The following TDRKH variants were observed in gnomAD, a reference collection of about 807,000 sequenced individuals.
TDRKH encodes tudor and KH domain containing.
A neutral mutation model predicts 61.3 loss-of-function variants in TDRKH; 28 were observed. The observed-to-expected ratio is 0.46, with a 90% CI of 0.34 to 0.63. The LOEUF is 0.63. TDRKH is among the 20% of genes least tolerant of loss of function. The pLI is 0.01. For missense variants in TDRKH, 540 were observed against 683.4 expected, an observed-to-expected ratio of 0.79 and a Z score of 2.34; for synonymous variants, 219 against 244.4, an observed-to-expected ratio of 0.90 and a Z score of 0.97.
At chr1:151,774,847 C>A (rs1305856424) in intron 11 of TDRKH, 41 bp from the exon 12 acceptor site, 1 of 1,604,148 alleles carries the variant, frequency 6.2e-7, no homozygotes, top group Admixed American at 1.7e-5. Flanking sequence ...AACATGTTGG[C>A]TTTTAGGAAA....
At chr1:151,776,974 G>A (rs1387555321) in intron 6 of TDRKH, among the ~76,000 whole-genome samples, 1 of 152,208 alleles carries the variant, frequency 6.6e-6, no homozygotes, top group Non-Finnish European at 1.5e-5. Context: ...TTCTACCACT[G>A]ACTCTTTACA....
chr1:151,781,138 A>G lies in TDRKH; in HGVS notation c.231+343T>C, dbSNP rs1391488276. Reference sequence around the variant, plus strand: ...CGAGATCAGCCTGGCCAACATGACGAAACCTCGTCTCCACTAAAAATACCA... The same window carrying G: ...CGAGATCAGCCTGGCCAACATGACGGAACCTCGTCTCCACTAAAAATACCA... On this transcript the variant is annotated intron_variant, in intron 3 of 12. Transcript: ENST00000368824. 2.0e-5 allele frequency among the ~76,000 whole-genome samples: 3 copies of G among 151,058 alleles called. No homozygotes were observed. The East Asian group carries it at 5.9e-4, about 30-fold the overall frequency.
downstream of TDRKH, chr1:151,767,411 G>A: frequency 1.3e-6 from 2 of 1,506,780 alleles, no homozygotes; most frequent in Non-Finnish European, 1.8e-6. Flanking sequence ...ATGGAATCTT[G>A]GAACGCATGT....
chr1:151,766,882 A>T (rs1251073286), downstream of TDRKH: 1 of 1,608,384 alleles, frequency 6.2e-7, no homozygotes, highest in African/African-American at 1.3e-5. Flanking sequence ...CCTCGTTGTT[A>T]TAAAAGGTAC....
At chr1:151,768,018 T>C (rs1431537633), downstream of TDRKH, 1 of 1,610,236 alleles carries the variant, frequency 6.2e-7, no homozygotes, top group East Asian at 2.2e-5. Context: ...GCCTGAGGTC[T>C]GATTTGAAGA....
At chr1:151,768,310 G>A, downstream of TDRKH, 2 of 1,529,174 alleles carry the variant, frequency 1.3e-6, no homozygotes, top group Non-Finnish European at 1.8e-6. Flanking sequence ...TAGTACATAA[G>A]GCTAATTCTG....
chr1:151,770,891 GACTA>G (rs927019628), downstream of TDRKH, among the ~76,000 whole-genome samples: 6 of 152,168 alleles, frequency 3.9e-5, no homozygotes, highest in South Asian at 4.1e-4. Context: ...AGTTCTGCAG[GACTA>G]ACTCACAGAA....
chr1:151,788,529 C>T (rs570385071), intron 1 of TDRKH, among the ~76,000 whole-genome samples: 3 of 152,232 alleles, frequency 2.0e-5, no homozygotes, highest in Non-Finnish European at 4.4e-5. Context: ...ATAATTGATG[C>T]TTATGGGGCA....
intron 1 of TDRKH, among the ~76,000 whole-genome samples, chr1:151,784,410 T>C (rs186467556): frequency 2.6e-5 from 4 of 152,354 alleles, no homozygotes; most frequent in Admixed American, 2.6e-4. Context: ...CGAGTGTCAA[T>C]ATATCTGTCC....
intron 2 of TDRKH, among the ~76,000 whole-genome samples, chr1:151,782,417 A>C (rs1476250303): frequency 6.6e-6 from 1 of 152,016 alleles, no homozygotes; most frequent in Admixed American, 6.5e-5. Context: ...ACTGCACTCC[A>C]GTGTGGGCGA....
In TDRKH at chr1:151,776,084, C is replaced by T. The variant is rs561115103; in HGVS notation, c.1217+12G>A. The T allele has an allele frequency of 8.7e-6, 14 of 1,609,816 alleles. No individual in the cohort carries two copies. In the East Asian group the frequency reaches 2.2e-4, roughly 26 times the overall value. The stretch of plus-strand genomic sequence containing the variant: ...AGTCAGCAGTTGGGATTGAGCTGAC[C>T]TCAGCACTGACCTGAGAGCCCTGAG... On this transcript the variant is annotated intron_variant, in intron 8 of 12. Transcript: ENST00000368824.
At chr1:151,784,468 C>T (rs1406842474) in intron 1 of TDRKH, among the ~76,000 whole-genome samples, 3 of 152,166 alleles carry the variant, frequency 2.0e-5, no homozygotes, top group African/African-American at 7.2e-5. Context: ...TCAGAGTCAC[C>T]AATGATTTCA....
chr1:151,782,002 A>G, intron 2 of TDRKH: 4 of 457,736 alleles, frequency 8.7e-6, no homozygotes, highest in Non-Finnish European at 1.8e-5. Flanking sequence ...CTTTGAGGTA[A>G]GTGCCTTCTA....
downstream of TDRKH, chr1:151,770,584 C>T: frequency 3.4e-6 from 1 of 293,530 alleles, no homozygotes; most frequent in Non-Finnish European, 6.4e-6. Context: ...AAGGGTCAGA[C>T]ATAAGGCCAA....
chr1:151,775,683 G>T, intron 9 of TDRKH, 137 bp downstream of exon 9: 1 of 1,475,928 alleles, frequency 6.8e-7, no homozygotes, highest in Non-Finnish European at 9.2e-7. Context: ...GTTTCTGGCT[G>T]CTGCTAGTGC....
In TDRKH at chr1:151,774,322, CAG is replaced by C; in HGVS notation, c.*128_*129del. The C allele has an allele frequency of 1.1e-6, 1 of 877,510 alleles. No individual in the cohort carries two copies. Among genetic ancestry groups the C allele is most frequent in the Non-Finnish European group, 1.8e-6 (1 of 569,580 alleles). The allele number at this position is 877,510 out of a possible 1,614,324, so 54.4% of individuals were successfully genotyped here. A position where few individuals can be genotyped will look rare whatever the true frequency, so the allele number is the denominator to read the frequency against. ...GCAGCTGCAGAGAAGTATATTAAGA[CAG>C]GGCATGGGAAAGAGGGAATCAAAGC... On this transcript the variant is annotated 3_prime_UTR_variant, in exon 13 of 13. Coordinates refer to ENST00000368824, the MANE Select transcript of TDRKH (RefSeq NM_001083965.2).
In TDRKH at chr1:151,790,414, A is replaced by T. The variant is rs1432633666; in HGVS notation, c.-62T>A. 1 of 153,254 alleles carries T rather than the reference A, an allele frequency of 6.5e-6. No individual in the cohort carries two copies. The highest frequency in any genetic ancestry group is 2.4e-5 in the African/African-American group (1 of 41,418). 9.5% of individuals were successfully genotyped at this position (153,254 alleles called of 1,614,324 possible). A position where few individuals can be genotyped will look rare whatever the true frequency, so the allele number is the denominator to read the frequency against. ...CCATCCTCGCCTTTACCGCTGCTCCAGTCAGCCGTCGAGTGCGCCGCCTCG... is the reference window on the plus strand; with the variant it reads ...CCATCCTCGCCTTTACCGCTGCTCCTGTCAGCCGTCGAGTGCGCCGCCTCG... On this transcript the variant is annotated 5_prime_UTR_variant, in exon 1 of 13. Coordinates refer to ENST00000368824, the MANE Select transcript of TDRKH (RefSeq NM_001083965.2).
At chr1:151,771,230 T>C, downstream of TDRKH, 1 of 1,611,498 alleles carries the variant, frequency 6.2e-7, no homozygotes, top group South Asian at 1.1e-5. Flanking sequence ...ACATGCTTAT[T>C]CCAACGCTTT....
chr1:151,778,888 T>C lies in TDRKH; in HGVS notation c.680A>G (p.Glu227Gly). The C allele has an allele frequency of 6.2e-7, 1 of 1,614,196 alleles. No homozygotes were observed. The highest frequency in any genetic ancestry group is 2.2e-5 in the East Asian group (1 of 44,876). ...TGCTGGCTCTCCAGCTCCACCTGGC[T>C]CTGTCATGTCTTCTCTTCTCACACT... ...PISVRREDMT[E>G]PGGAGEPALW... Residue 227 changes from glutamate to glycine, a missense_variant, in exon 6 of 13, where the codon GAG becomes GGG. Glu to Gly is a moderately conservative substitution (Grantham distance 98). Around this residue, in one of 3 missense-constraint regions of TDRKH, gnomAD observed 379 missense variants for 443.8 expected, o/e 0.85. Transcript: ENST00000368824.
Sources: allele counts gnomAD v4.1 joint callset (sites outside exome capture counted in the v4.1 genomes callset), GRCh38; gene constraint gnomAD v4.1.1; regional missense constraint gnomAD v4.1.1; transcripts MANE v1.5; gene names NCBI Gene and HGNC (gene_info 2026-07-23, HGNC 2026-07-21).